USP48: variants seen among roughly 807,000 people sequenced by gnomAD.
The protein encoded by USP48 is ubiquitin specific peptidase 48.
USP48 carries 43 observed loss-of-function variants against 150.7 expected under a neutral mutation model. The observed-to-expected ratio is 0.29, with a 90% CI of 0.22 to 0.37. The LOEUF (loss-of-function observed/expected upper bound fraction) is 0.37, where lower values mean the gene tolerates loss of function less well. Among genes scored for constraint, USP48 ranks in the 10% least tolerant of loss-of-function variants. USP48 has a pLI of 1.00. For synonymous variants in USP48, 396 were observed against 425.9 expected, an observed-to-expected ratio of 0.93 and a Z score of 0.86; for missense variants, 813 against 1,249.6, an observed-to-expected ratio of 0.65 and a Z score of 5.27.
intron 1 of USP48, among the ~76,000 whole-genome samples, chr1:21,771,864 G>C (rs2097881758): frequency 6.6e-6 from 1 of 151,688 alleles, no homozygotes; most frequent in Non-Finnish European, 1.5e-5. Flanking sequence ...GTTGTGGTGA[G>C]CCGAGATTGC....
At chr1:21,693,651 T>C (rs2097610940) in intron 23 of USP48, among the ~76,000 whole-genome samples, 1 of 152,254 alleles carries the variant, frequency 6.6e-6, no homozygotes, top group Non-Finnish European at 1.5e-5. Flanking sequence ...CTTTTAAAAA[T>C]GTCTTTAGGC....
intron 6 of USP48, among the ~76,000 whole-genome samples, chr1:21,749,905 G>A (rs1202548106): frequency 3.9e-5 from 6 of 152,090 alleles, no homozygotes; most frequent in Admixed American, 6.6e-5. Context: ...ATCTGGCTCC[G>A]GCCTGCAAAT....
At chr1:21,741,103 C>A (rs1488904374) in intron 8 of USP48, among the ~76,000 whole-genome samples, 1 of 152,012 alleles carries the variant, frequency 6.6e-6, no homozygotes, top group Non-Finnish European at 1.5e-5. Context: ...TTTCAGATGC[C>A]CTAGGTGAGA....
intron 14 of USP48, among the ~76,000 whole-genome samples, chr1:21,715,887 C>G (rs1028952000): frequency 1.3e-5 from 2 of 152,166 alleles, no homozygotes; most frequent in African/African-American, 4.8e-5. Flanking sequence ...TATCATCAAA[C>G]AGAGTACTCC....
intron 1 of USP48, among the ~76,000 whole-genome samples, chr1:21,766,740 G>C (rs1483136359): frequency 1.3e-5 from 2 of 151,978 alleles, no homozygotes; most frequent in Non-Finnish European, 2.9e-5. Flanking sequence ...CCAGGCTGGA[G>C]TGCACTGCAA....
chr1:21,772,585 T>C (rs916009784), intron 1 of USP48, among the ~76,000 whole-genome samples: 2 of 143,120 alleles, frequency 1.4e-5, no homozygotes, highest in Non-Finnish European at 3.0e-5. Context: ...ATCGCGCCAC[T>C]GCACTCCAGC....
At chr1:21,757,542 T>C in intron 2 of USP48, 121 bp downstream of exon 2, 1 of 1,100,500 alleles carries the variant, frequency 9.1e-7, no homozygotes, top group Non-Finnish European at 1.3e-6. Flanking sequence ...TTCTACTGCT[T>C]ATCTTAAAGC....
rs1339566318 is a variant in USP48 at position 21,783,095 on chromosome 1, C to T, written c.-138G>A. The T allele has an allele frequency of 3.2e-6, 4 of 1,254,414 alleles. No individual in the cohort carries two copies. Among genetic ancestry groups the T allele is most frequent in the Admixed American group, 4.2e-5 (1 of 24,012 alleles). 77.7% of individuals were successfully genotyped at this position (1,254,414 alleles called of 1,614,324 possible). ...TTCAGGCAGCTGGCCAGTCAATCAC[C>T]TGTGCGCGCCACTGCCGCCGCGCCC... On this transcript the variant is annotated 5_prime_UTR_variant, in exon 1 of 27. Transcript: ENST00000308271.
chr1:21,682,092 T>A (rs1299282117), intron 25 of USP48, among the ~76,000 whole-genome samples: 1 of 152,216 alleles, frequency 6.6e-6, no homozygotes, highest in Non-Finnish European at 1.5e-5. Context: ...TGATTTAATG[T>A]TTAAGAAGAA....
intron 11 of USP48, among the ~76,000 whole-genome samples, chr1:21,726,321 A>G (rs6702312): frequency 0.14 from 21,657 of 152,196 alleles, 2,114 homozygotes; most frequent in South Asian, 0.25. Context: ...ACATTTTCCA[A>G]TCTCACAGAA....
intron 1 of USP48, among the ~76,000 whole-genome samples, chr1:21,777,972 CAAAAA>C (rs34374350): frequency 1.7e-5 from 2 of 118,922 alleles, no homozygotes; most frequent in African/African-American, 3.3e-5. Flanking sequence ...CTAAATATAC[CAAAAA>C]AAAAAAAAAA....
intron 21 of USP48, among the ~76,000 whole-genome samples, chr1:21,702,754 C>G (rs10917036): frequency 0.033 from 5,011 of 152,242 alleles, 296 homozygotes; most frequent in African/African-American, 0.11. Context: ...GCAATAGCCA[C>G]TAGGGTAGCC....
chr1:21,781,517 T>C lies in USP48; in HGVS notation c.134+1307A>G, dbSNP rs1332717143. 2.6e-5 allele frequency among the ~76,000 whole-genome samples: 4 copies of C among 152,194 alleles called. No homozygotes were observed. The East Asian group carries it at 7.7e-4, about 29-fold the overall frequency. ...ATCCCAGAAGAGGTGGGCAGATCGC[T>C]TGAGCCCAGAGCTCGAGACCAGCCT... is the stretch of plus-strand genomic sequence containing the variant. On this transcript the variant is annotated intron_variant, in intron 1 of 26. Coordinates refer to ENST00000308271, the MANE Select transcript of USP48 (RefSeq NM_032236.8).
At chr1:21,754,392 T>C (rs578258573) in intron 3 of USP48, among the ~76,000 whole-genome samples, 1 of 152,210 alleles carries the variant, frequency 6.6e-6, no homozygotes, top group East Asian at 1.9e-4. Context: ...CCGTAGAATT[T>C]TAGAGTTGAA....
At chr1:21,740,578 G>A (rs2097779287) in intron 8 of USP48, among the ~76,000 whole-genome samples, 1 of 152,186 alleles carries the variant, frequency 6.6e-6, no homozygotes, top group South Asian at 2.1e-4. Flanking sequence ...CAAGCCAAGA[G>A]TTTTGTTTGA....
At chr1:21,753,373 G>C (rs1192831452) in intron 3 of USP48, among the ~76,000 whole-genome samples, 1 of 150,926 alleles carries the variant, frequency 6.6e-6, no homozygotes, top group East Asian at 2.0e-4. Context: ...CCAATATGGA[G>C]AAACCCCGTC....
In USP48 at chr1:21,721,104, T is replaced by C. The variant is rs1447316987; in HGVS notation, c.1826A>G (p.Gln609Arg). ...TGCATCACCATCTTGCTCATCCAGCTGTTCAAGAGCTAGCTGGCGCCAACT... is the reference window on the plus strand; with the variant it reads ...TGCATCACCATCTTGCTCATCCAGCCGTTCAAGAGCTAGCTGGCGCCAACT... ...LRSWRQLALE[Q>R]LDEQDGDAEQ... Residue 609 changes from glutamine to arginine, a missense_variant, in exon 14 of 27, where the codon CAG becomes CGG. Physicochemically the swap from Gln to Arg is conservative, Grantham distance 43. Transcript: ENST00000308271. 6.2e-7 allele frequency: 1 copy of C among 1,614,280 alleles called. No homozygotes were observed. The highest frequency in any genetic ancestry group is 1.7e-5 in the Admixed American group (1 of 60,036).
At chr1:21,689,826 G>T in intron 24 of USP48, 148 bp downstream of exon 24, 1 of 1,037,068 alleles carries the variant, frequency 9.6e-7, no homozygotes, top group Non-Finnish European at 1.4e-6. Context: ...CCAGAGTTGG[G>T]CTGAGCTGCA....
intron 23 of USP48, among the ~76,000 whole-genome samples, chr1:21,690,599 T>C (rs1479616046): frequency 6.6e-6 from 1 of 152,030 alleles, no homozygotes. Context: ...TCATGGCTCA[T>C]TGCAGCCTTG....
Sources: allele counts gnomAD v4.1 joint callset (sites outside exome capture counted in the v4.1 genomes callset), GRCh38; gene constraint gnomAD v4.1.1; transcripts MANE v1.5; gene names NCBI Gene and HGNC (gene_info 2026-07-23, HGNC 2026-07-21).